FARP1: variants seen among roughly 807,000 people sequenced by gnomAD.
FARP1 encodes FERM, ARH/RhoGEF and pleckstrin domain protein 1, also known as FERM, ARHGEF and pleckstrin domain-containing protein 1.
In FARP1, 52 loss-of-function variants were observed where a neutral mutation model predicts 128.8. The ratio of observed to expected loss-of-function variants is 0.40; its 90% CI spans 0.32 to 0.51. The LOEUF is 0.51. Among genes scored for constraint, FARP1 ranks in the 20% least tolerant of loss-of-function variants. The pLI is 0.45. For synonymous variants in FARP1, 580 were observed against 551.8 expected, an observed-to-expected ratio of 1.05 and a Z score of -0.72; for missense variants, 1,333 against 1,367.9, an observed-to-expected ratio of 0.97 and a Z score of 0.40.
chr13:98,144,632 T>A (rs1241109305), intron 1 of FARP1, among the ~76,000 whole-genome samples: 1 of 152,248 alleles, frequency 6.6e-6, no homozygotes, highest in African/African-American at 2.4e-5. Context: ...CACTGGCTTC[T>A]GTTTAATGTG....
chr13:98,183,751 G>T (rs569434611), intron 1 of FARP1, among the ~76,000 whole-genome samples: 1 of 152,216 alleles, frequency 6.6e-6, no homozygotes, highest in African/African-American at 2.4e-5. Context: ...GGCAGGGGTG[G>T]GGAGTGTTGT....
intron 26 of FARP1, chr13:98,448,009 G>A (rs1488355743): frequency 7.4e-5 from 42 of 571,312 alleles, no homozygotes; most frequent in Non-Finnish European, 1.1e-4. Flanking sequence ...CAGTGTCACT[G>A]CAGCAAGGTA....
chr13:98,388,287 C>A, intron 8 of FARP1, 96 bp from the exon 9 acceptor site: 2 of 852,214 alleles, frequency 2.3e-6, no homozygotes, highest in Non-Finnish European at 4.0e-6. Flanking sequence ...AGTCGCCTGC[C>A]AGCCCTCTTC....
chr13:98,432,054 T>G (rs770772874), intron 18 of FARP1: 1 of 152,168 alleles, frequency 6.6e-6, no homozygotes, highest in Non-Finnish European at 1.5e-5. Flanking sequence ...TATTAACTCT[T>G]CCCAAGCCTC....
chr13:98,390,670 C>T lies in FARP1; in HGVS notation c.1020-142C>T, dbSNP rs1201115684. 2.1e-5 allele frequency: 13 copies of T among 627,250 alleles called. No homozygotes were observed. In the South Asian group the frequency reaches 2.6e-4, roughly 13 times the overall value. The allele number at this position is 627,250 out of a possible 1,614,324, so 38.9% of individuals were successfully genotyped here. A position where few individuals can be genotyped will look rare whatever the true frequency, so the allele number is the denominator to read the frequency against. On this transcript the variant is annotated intron_variant, in intron 10 of 26. Transcript: ENST00000319562. Reference sequence around the variant, plus strand: ...AAAAATACAGAGTCTGTCAGGATTGCTTTTAGTCCTGGCTAGCCAAGCAAC... The same window carrying T: ...AAAAATACAGAGTCTGTCAGGATTGTTTTTAGTCCTGGCTAGCCAAGCAAC...
At chr13:98,301,979 C>G (rs775708137) in intron 2 of FARP1, among the ~76,000 whole-genome samples, 7 of 151,076 alleles carry the variant, frequency 4.6e-5, no homozygotes, top group Non-Finnish European at 8.8e-5. Context: ...TTTTTTTCCC[C>G]TAAGGAAACC....
intron 1 of FARP1, among the ~76,000 whole-genome samples, chr13:98,181,088 CT>C (rs2139201163): frequency 6.6e-6 from 1 of 151,544 alleles, no homozygotes; most frequent in South Asian, 2.1e-4. Flanking sequence ...GCTCTTGTTG[CT>C]TTCTGAAAGA....
At chr13:98,307,687 T>C (rs1215427257) in intron 2 of FARP1, among the ~76,000 whole-genome samples, 1 of 152,184 alleles carries the variant, frequency 6.6e-6, no homozygotes, top group Non-Finnish European at 1.5e-5. Context: ...ATCTGTTTCC[T>C]CCTGTTTATC....
chr13:98,286,616 C>A (rs1474016239), intron 2 of FARP1, among the ~76,000 whole-genome samples: 1 of 152,158 alleles, frequency 6.6e-6, no homozygotes, highest in East Asian at 1.9e-4. Context: ...GTCCTTTAAA[C>A]CTCTTTCTTT....
At chr13:98,365,913 G>GTGTGTGTGTGTGTGTGTGTA (rs1239165336) in intron 4 of FARP1, among the ~76,000 whole-genome samples, 40 of 151,662 alleles carry the variant, frequency 2.6e-4, no homozygotes, top group African/African-American at 9.5e-4. Context: ...GTGTGTGTGT[G>GTGTGTGTGTGTGTGTGTGTA]TGTGTTTCTG....
intron 16 of FARP1, among the ~76,000 whole-genome samples, chr13:98,422,129 A>C (rs951388530): frequency 2.0e-5 from 3 of 152,190 alleles, no homozygotes; most frequent in African/African-American, 7.2e-5. Flanking sequence ...ATAGCTTGGG[A>C]GCAGCCTGAA....
chr13:98,197,025 A>C (rs76644574), intron 1 of FARP1, among the ~76,000 whole-genome samples: 192 of 152,348 alleles, frequency 1.3e-3, no homozygotes, highest in African/African-American at 4.4e-3. Flanking sequence ...AAGAATATTG[A>C]AACTGTTAGA....
chr13:98,322,957 A>G (rs756455890), intron 2 of FARP1, among the ~76,000 whole-genome samples: 1 of 152,216 alleles, frequency 6.6e-6, no homozygotes, highest in Non-Finnish European at 1.5e-5. Context: ...TGCATTCGTA[A>G]TAGGAAGAGT....
At chr13:98,357,022 A>G (rs1888672976) in intron 3 of FARP1, among the ~76,000 whole-genome samples, 1 of 152,130 alleles carries the variant, frequency 6.6e-6, no homozygotes, top group Admixed American at 6.5e-5. Flanking sequence ...CAGTTTTTAA[A>G]TTATTATTTT....
intron 1 of FARP1, among the ~76,000 whole-genome samples, chr13:98,153,330 A>ATATTTATATATAAAATAATATATATTT (rs71120310): frequency 7.7e-5 from 10 of 130,218 alleles, no homozygotes; most frequent in Non-Finnish European, 1.6e-5. Flanking sequence ...TAAATAATAT[A>ATATTTATATATAAAATAATATATATTT]ATATATAAAA....
chr13:98,145,602 G>A (rs1231391193), intron 1 of FARP1, among the ~76,000 whole-genome samples: 10 of 152,162 alleles, frequency 6.6e-5, no homozygotes, highest in Non-Finnish European at 1.5e-5. Flanking sequence ...TGGGCATGGT[G>A]GCTCACACCT....
At chr13:98,398,214 T>G (rs1046318770) in intron 13 of FARP1, 1 of 152,182 alleles carries the variant, frequency 6.6e-6, no homozygotes, top group African/African-American at 2.4e-5. Flanking sequence ...ATACAGACTT[T>G]TTTTGTTTTG....
chr13:98,427,708 C>G (rs1566311707), intron 17 of FARP1, among the ~76,000 whole-genome samples: 2 of 149,014 alleles, frequency 1.3e-5, no homozygotes, highest in Non-Finnish European at 3.0e-5. Context: ...CACCTGATAT[C>G]CGCTCCTGGC....
intron 2 of FARP1, among the ~76,000 whole-genome samples, chr13:98,215,516 C>T (rs996090637): frequency 5.3e-5 from 8 of 152,090 alleles, no homozygotes; most frequent in Admixed American, 5.2e-4. Context: ...ATAATAAACT[C>T]GACTTTATAC....
Sources: gnomAD v4.1 joint callset for allele counts (sites outside exome capture counted in the v4.1 genomes callset) on GRCh38, gnomAD v4.1.1 for gene constraint, MANE v1.5 for transcripts, NCBI Gene and HGNC (gene_info 2026-07-23, HGNC 2026-07-21) for gene names.